The following CADM2 variants were observed in gnomAD, a reference collection of about 807,000 sequenced individuals.
CADM2 encodes the protein cell adhesion molecule 2.
In CADM2, 12 loss-of-function variants were observed where a neutral mutation model predicts 49.8. The observed-to-expected ratio is 0.24, with a 90% CI of 0.15 to 0.39. The LOEUF (loss-of-function observed/expected upper bound fraction) is 0.39, where lower values mean the gene tolerates loss of function less well. Among genes scored for constraint, CADM2 ranks in the 10% least tolerant of loss-of-function variants. The pLI is 1.00. For synonymous variants in CADM2, 214 were observed against 175.4 expected (o/e 1.22, Z -1.74); for missense variants, 378 against 492.3 (o/e 0.77, Z 2.20).
intron 7 of CADM2, among the ~76,000 whole-genome samples, chr3:85,956,873 T>TG (rs375504570): frequency 4.6e-4 from 70 of 151,658 alleles, no homozygotes; most frequent in African/African-American, 1.6e-3. Flanking sequence ...TAATTTTGAG[T>TG]ATACGGAAGT....
chr3:85,072,264 A>T (rs2036777625), intron 1 of CADM2, among the ~76,000 whole-genome samples: 1 of 152,042 alleles, frequency 6.6e-6, no homozygotes, highest in Non-Finnish European at 1.5e-5. Context: ...CCAAAAGGAC[A>T]TATTTTTAAA....
chr3:85,212,810 TTCTCTTTC>T (rs2041809720), intron 1 of CADM2, among the ~76,000 whole-genome samples: 1 of 102,182 alleles, frequency 9.8e-6, no homozygotes, highest in South Asian at 3.2e-4. Context: ...CTTCTTTTTC[TTCTCTTTC>T]TTTCTTTCTT....
intron 1 of CADM2, among the ~76,000 whole-genome samples, chr3:85,264,398 TA>T (rs1458721732): frequency 6.6e-6 from 1 of 152,150 alleles, no homozygotes; most frequent in Non-Finnish European, 1.5e-5. Context: ...ACATAATAGA[TA>T]AAATGCTACT....
At chr3:85,220,711 A>G (rs892438272) in intron 1 of CADM2, among the ~76,000 whole-genome samples, 1 of 152,136 alleles carries the variant, frequency 6.6e-6, no homozygotes, top group Non-Finnish European at 1.5e-5. Flanking sequence ...CACCCTTGTG[A>G]CTATGGCCAG....
At chr3:85,220,034 A>C (rs2042012298) in intron 1 of CADM2, among the ~76,000 whole-genome samples, 1 of 152,148 alleles carries the variant, frequency 6.6e-6, no homozygotes, top group African/African-American at 2.4e-5. Flanking sequence ...TATTTGTTTA[A>C]TTAGTCAACA....
intron 5 of CADM2, among the ~76,000 whole-genome samples, chr3:85,909,465 A>G (rs778090544): frequency 2.6e-5 from 4 of 151,748 alleles, no homozygotes; most frequent in Non-Finnish European, 5.9e-5. Context: ...AAAAATAACA[A>G]GAGAGAGAAA....
intron 1 of CADM2, among the ~76,000 whole-genome samples, chr3:84,969,185 T>G (rs2031231690): frequency 6.6e-6 from 1 of 151,990 alleles, no homozygotes; most frequent in Admixed American, 6.6e-5. Flanking sequence ...AAGAAAATGG[T>G]GGTTTAATTT....
At chr3:85,851,355 T>A (rs1397798984) in intron 3 of CADM2, among the ~76,000 whole-genome samples, 1 of 152,044 alleles carries the variant, frequency 6.6e-6, no homozygotes, top group Non-Finnish European at 1.5e-5. Context: ...CTCACAGTTG[T>A]TCTACTATTT....
At chr3:86,040,910 G>C (rs1735813876) in intron 8 of CADM2, among the ~76,000 whole-genome samples, 1 of 152,190 alleles carries the variant, frequency 6.6e-6, no homozygotes, top group South Asian at 2.1e-4. Context: ...AGCCAGAAGA[G>C]AGTGGGGGTT....
Position 85,494,073 on chromosome 3 carries a change from C to G in CADM2, c.62-232449C>G, listed in dbSNP as rs1576653700. ...ATACTTGTTAAATGCATCAAAAAAT[C>G]AACTTTTCTTTATAAACTTTTCGGA... On this transcript the variant is annotated intron_variant, in intron 1 of 9. Coordinates refer to ENST00000383699, the MANE Select transcript of CADM2 (RefSeq NM_001167675.2). Among the ~76,000 whole-genome samples the G allele has an allele frequency of 2.0e-5, 3 of 152,140 alleles. 1 individual carries two copies. The South Asian group carries it at 6.2e-4, about 32-fold the overall frequency.
intron 3 of CADM2, among the ~76,000 whole-genome samples, chr3:85,811,214 T>A (rs1297626171): frequency 6.6e-6 from 1 of 152,184 alleles, no homozygotes; most frequent in Admixed American, 6.6e-5. Flanking sequence ...TTCTGCAATG[T>A]TTTTTGAAAT....
intron 2 of CADM2, among the ~76,000 whole-genome samples, chr3:85,762,338 A>ATTTG (rs375280416): frequency 7.2e-5 from 11 of 151,758 alleles, no homozygotes; most frequent in East Asian, 1.9e-4. Context: ...TTGTTTGTTC[A>ATTTG]TTTGTTTGTT....
intron 1 of CADM2, among the ~76,000 whole-genome samples, chr3:85,322,734 A>G (rs1426342208): frequency 6.6e-6 from 1 of 152,148 alleles, no homozygotes; most frequent in Non-Finnish European, 1.5e-5. Flanking sequence ...TAGAGCTTGT[A>G]AAAGGGCTCT....
rs142000232 is a variant in CADM2, at chr3:85,892,243, T to C, written c.529+5916T>C. On this transcript the variant is annotated intron_variant, in intron 5 of 9. Coordinates refer to ENST00000383699, the MANE Select transcript of CADM2 (RefSeq NM_001167675.2). ...TTTCAAGTGAACTTGGTGAATGATC[T>C]GGACAGATGGAGTAAAAGCAAGCAT... 2.2e-3 allele frequency among the ~76,000 whole-genome samples: 332 copies of C among 152,346 alleles called. 1 individual carries two copies. Among genetic ancestry groups the C allele is most frequent in the African/African-American group, 7.6e-3 (318 of 41,584 alleles).
chr3:85,291,159 G>C (rs937048846), intron 1 of CADM2, among the ~76,000 whole-genome samples: 5 of 152,108 alleles, frequency 3.3e-5, no homozygotes, highest in African/African-American at 7.2e-5. Context: ...CTCAGGAGCC[G>C]ATGCGATCAA....
intron 1 of CADM2, among the ~76,000 whole-genome samples, chr3:85,452,323 T>C (rs1442262216): frequency 6.6e-6 from 1 of 152,142 alleles, no homozygotes; most frequent in Non-Finnish European, 1.5e-5. Context: ...ATGCTTTTGA[T>C]CTTTCATCTT....
At chr3:85,128,196 T>C (rs1208869416) in intron 1 of CADM2, among the ~76,000 whole-genome samples, 1 of 152,184 alleles carries the variant, frequency 6.6e-6, no homozygotes, top group Non-Finnish European at 1.5e-5. Context: ...AAGCTGAAAC[T>C]AGCTTCCAGA....
chr3:85,833,634 A>G (rs1255859623), intron 3 of CADM2, among the ~76,000 whole-genome samples: 2 of 151,466 alleles, frequency 1.3e-5, no homozygotes, highest in East Asian at 3.9e-4. Context: ...TTTATTGGAG[A>G]CATCTTTTCC....
chr3:84,993,683 G>C (rs1348957962), intron 1 of CADM2, among the ~76,000 whole-genome samples: 1 of 152,152 alleles, frequency 6.6e-6, no homozygotes, highest in Non-Finnish European at 1.5e-5. Flanking sequence ...GATATGAACT[G>C]TTGTATTTCT....
Sources: gnomAD v4.1 joint callset for allele counts (sites outside exome capture counted in the v4.1 genomes callset) on GRCh38, gnomAD v4.1.1 for gene constraint, MANE v1.5 for transcripts, NCBI Gene and HGNC (gene_info 2026-07-23, HGNC 2026-07-21) for gene names.